Variants in COL19A1 observed in about 807,000 individuals in gnomAD.
COL19A1 encodes collagen type XIX alpha 1 chain.
COL19A1 carries 159 observed loss-of-function variants against 190.2 expected under a neutral mutation model. The observed-to-expected ratio is 0.84, with a 90% CI of 0.73 to 0.95. The LOEUF (loss-of-function observed/expected upper bound fraction) is 0.95. Ranked by LOEUF, COL19A1 falls within the 40% of genes least tolerant of loss-of-function variation. The pLI, the probability that COL19A1 is intolerant of heterozygous loss-of-function variation, is 0.00. For missense variants in COL19A1, 1,418 were observed against 1,431.9 expected, an observed-to-expected ratio of 0.99 and a Z score of 0.16; for synonymous variants, 509 against 458.9, an observed-to-expected ratio of 1.11 and a Z score of -1.39.
intron 11 of COL19A1, among the ~76,000 whole-genome samples, chr6:70,008,916 C>CATATT (rs1416544235): frequency 6.6e-6 from 1 of 151,894 alleles, no homozygotes; most frequent in Non-Finnish European, 1.5e-5. Flanking sequence ...AATAACAAAA[C>CATATT]CAATATGATT....
At chr6:69,895,897 T>C (rs1342798560) in intron 2 of COL19A1, among the ~76,000 whole-genome samples, 5 of 152,272 alleles carry the variant, frequency 3.3e-5, no homozygotes, top group Non-Finnish European at 7.3e-5. Context: ...TGGTTGTTTC[T>C]GGTTTTAGAC....
chr6:70,114,573 T>G lies in COL19A1; in HGVS notation c.1279-7307T>G, dbSNP rs72916726. Among the ~76,000 whole-genome samples the G allele has an allele frequency of 8.7e-3, 1,331 of 152,346 alleles. 7 individuals are homozygous for G. Among genetic ancestry groups the G allele is most frequent in the Non-Finnish European group, 0.013 (913 of 68,034 alleles). On this transcript the variant is annotated intron_variant, in intron 16 of 50. Transcript: ENST00000620364. ...ATTAATATTTTTGTTATCATTATCC[T>G]CATTTAATCATTATTTGCCATCTTC...
intron 16 of COL19A1, among the ~76,000 whole-genome samples, chr6:70,105,031 T>C (rs1274862923): frequency 6.6e-6 from 1 of 152,188 alleles, no homozygotes; most frequent in African/African-American, 2.4e-5. Context: ...AGGTGCTTAT[T>C]TTTATTTCAA....
chr6:70,107,269 G>A (rs1055559981), intron 16 of COL19A1, among the ~76,000 whole-genome samples: 8 of 152,094 alleles, frequency 5.3e-5, no homozygotes, highest in African/African-American at 1.7e-4. Context: ...TGAGTTTTCC[G>A]TTGCAATCAA....
At chr6:69,871,854 G>A (rs577288578) in intron 1 of COL19A1, among the ~76,000 whole-genome samples, 119 of 123,344 alleles carry the variant, frequency 9.6e-4, no homozygotes, top group African/African-American at 3.4e-3. Context: ...TTGCTCTGTC[G>A]CCCAGGCTGG....
intron 9 of COL19A1, among the ~76,000 whole-genome samples, chr6:69,947,804 C>A (rs550632446): frequency 6.6e-6 from 1 of 151,842 alleles, no homozygotes; most frequent in South Asian, 2.1e-4. Context: ...CTACTTTTTC[C>A]TTTCATAAAT....
intron 23 of COL19A1, 34 bp from the exon 24 acceptor site, chr6:70,144,176 C>T (rs769140783): frequency 1.3e-6 from 2 of 1,570,248 alleles, no homozygotes; most frequent in East Asian, 2.2e-5. Flanking sequence ...GAGATGTTCT[C>T]ATTACTCTTT....
chr6:70,198,235 G>T (rs1767330741), intron 48 of COL19A1, among the ~76,000 whole-genome samples: 1 of 152,032 alleles, frequency 6.6e-6, no homozygotes, highest in South Asian at 2.1e-4. Flanking sequence ...TCTGTCATTT[G>T]GTCTTTACTT....
At chr6:70,063,669 T>C (rs1780987656) in intron 14 of COL19A1, among the ~76,000 whole-genome samples, 1 of 152,022 alleles carries the variant, frequency 6.6e-6, no homozygotes, top group Non-Finnish European at 1.5e-5. Context: ...CAAAAAACCC[T>C]TCAAAAAATT....
intron 15 of COL19A1, among the ~76,000 whole-genome samples, chr6:70,086,971 G>A (rs1235281323): frequency 1.3e-5 from 2 of 149,466 alleles, no homozygotes; most frequent in Non-Finnish European, 3.0e-5. Context: ...TACAGCCCTT[G>A]GGCCAAATCT....
At chr6:70,098,331 C>T (rs376317608) in intron 15 of COL19A1, 1 of 447,682 alleles carries the variant, frequency 2.2e-6, no homozygotes, top group East Asian at 5.7e-5. Context: ...CAAAAATCTA[C>T]AGTTAGCTCC....
chr6:70,184,299 C>A (rs926730704), intron 44 of COL19A1, among the ~76,000 whole-genome samples: 25 of 152,000 alleles, frequency 1.6e-4, no homozygotes, highest in African/African-American at 6.0e-4. Context: ...ATACTCCAGC[C>A]ACCTATGCCA....
At chr6:70,020,360 A>G (rs1778350793) in intron 11 of COL19A1, among the ~76,000 whole-genome samples, 1 of 151,756 alleles carries the variant, frequency 6.6e-6, no homozygotes, top group Non-Finnish European at 1.5e-5. Context: ...TTCTCTTATG[A>G]ATTTCTTTTT....
chr6:70,065,577 G>A (rs1781131972), intron 14 of COL19A1, among the ~76,000 whole-genome samples: 1 of 152,120 alleles, frequency 6.6e-6, no homozygotes, highest in Admixed American at 6.5e-5. Flanking sequence ...AACACCAAAA[G>A]CAATGGCAAC....
chr6:70,088,396 G>A (rs1016105415), intron 15 of COL19A1, among the ~76,000 whole-genome samples: 7 of 152,114 alleles, frequency 4.6e-5, no homozygotes, highest in Admixed American at 2.6e-4. Context: ...CTCATACAAT[G>A]CACATTTTTT....
intron 11 of COL19A1, among the ~76,000 whole-genome samples, chr6:69,999,144 C>G (rs1777097527): frequency 6.6e-6 from 1 of 151,790 alleles, no homozygotes; most frequent in Non-Finnish European, 1.5e-5. Flanking sequence ...AGGCTGGTCT[C>G]AAACACCTGA....
chr6:70,145,769 A>G (rs1014682115), intron 25 of COL19A1, among the ~76,000 whole-genome samples: 2 of 134,154 alleles, frequency 1.5e-5, no homozygotes, highest in Non-Finnish European at 3.1e-5. Flanking sequence ...CACCCAGGCT[A>G]GAGTGCAGTG....
intron 31 of COL19A1, among the ~76,000 whole-genome samples, chr6:70,151,894 G>A (rs1040702659): frequency 2.6e-5 from 4 of 152,040 alleles, no homozygotes; most frequent in African/African-American, 9.7e-5. Context: ...CACTTACAAG[G>A]CTGAATTTTG....
At chr6:70,160,822 A>C (rs1787749480) in intron 34 of COL19A1, among the ~76,000 whole-genome samples, 1 of 152,190 alleles carries the variant, frequency 6.6e-6, no homozygotes. Context: ...TTTAGGAAGT[A>C]CATTTAAAAT....
Sources: allele counts gnomAD v4.1 joint callset (sites outside exome capture counted in the v4.1 genomes callset), GRCh38; gene constraint gnomAD v4.1.1; transcripts MANE v1.5; gene names NCBI Gene and HGNC (gene_info 2026-07-23, HGNC 2026-07-21).